ATRNL1: variants seen among roughly 807,000 people sequenced by gnomAD.
The protein encoded by ATRNL1 is attractin like 1.
Under a neutral mutation model 182.7 loss-of-function variants are expected in ATRNL1, and 95 were observed. That is an observed-to-expected ratio of 0.52 (90% CI 0.44 to 0.62). The LOEUF (loss-of-function observed/expected upper bound fraction) is 0.62. ATRNL1 is among the 20% of genes least tolerant of loss of function. The pLI is 0.00. For synonymous variants in ATRNL1, 576 were observed against 568.3 expected (o/e 1.01, Z -0.19); for missense variants, 1,471 against 1,679.5 (o/e 0.88, Z 2.17).
intron 26 of ATRNL1, among the ~76,000 whole-genome samples, chr10:115,699,995 C>T (rs1287151634): frequency 6.6e-6 from 1 of 152,116 alleles, no homozygotes; most frequent in Non-Finnish European, 1.5e-5. Context: ...CAGCTACATC[C>T]ATGTTGCTGC....
At chr10:115,442,297 C>CTCTCTT (rs1554965905) in intron 21 of ATRNL1, among the ~76,000 whole-genome samples, 1 of 133,962 alleles carries the variant, frequency 7.5e-6, no homozygotes, top group African/African-American at 2.5e-5. Context: ...CTCTCTCTCT[C>CTCTCTT]TCTCTCTGTG....
At chr10:115,317,131 T>C (rs540857720) in intron 18 of ATRNL1, among the ~76,000 whole-genome samples, 13 of 152,352 alleles carry the variant, frequency 8.5e-5, no homozygotes, top group Admixed American at 5.2e-4. Flanking sequence ...GTTTTCTGCA[T>C]ATGGCTAGCC....
chr10:115,588,189 A>G (rs1282400994), intron 26 of ATRNL1, among the ~76,000 whole-genome samples: 1 of 152,146 alleles, frequency 6.6e-6, no homozygotes, highest in Non-Finnish European at 1.5e-5. Context: ...CTCCGGAATC[A>G]TTCTAGACTG....
chr10:115,399,062 A>G (rs1340350289), intron 20 of ATRNL1, among the ~76,000 whole-genome samples: 2 of 152,098 alleles, frequency 1.3e-5, no homozygotes, highest in Non-Finnish European at 2.9e-5. Context: ...AGCCTACTTG[A>G]TCATGGTGGA....
At chr10:115,316,306 A>G (rs1554929667) in intron 18 of ATRNL1, among the ~76,000 whole-genome samples, 1 of 152,108 alleles carries the variant, frequency 6.6e-6, no homozygotes, top group African/African-American at 2.4e-5. Flanking sequence ...TTTTATGGCT[A>G]TGCAGTATTC....
In ATRNL1 at chr10:115,797,627, G is replaced by A. The variant is rs566319043; in HGVS notation, c.3904-50250G>A. On this transcript the variant is annotated intron_variant, in intron 27 of 28. Transcript: ENST00000355044. ...AAAAAAAAATTGTATGTGTGCACGTGTGTGTAGTATCTGTTAGGTAGTGAT... is the reference window on the plus strand; with the variant it reads ...AAAAAAAAATTGTATGTGTGCACGTATGTGTAGTATCTGTTAGGTAGTGAT... Among the ~76,000 whole-genome samples, 7 of 152,286 alleles carry A rather than the reference G, an allele frequency of 4.6e-5. No homozygotes were observed. In the South Asian group the frequency reaches 1.4e-3, roughly 32 times the overall value.
intron 26 of ATRNL1, among the ~76,000 whole-genome samples, chr10:115,566,410 G>T (rs1555001841): frequency 6.6e-6 from 1 of 152,096 alleles, no homozygotes; most frequent in East Asian, 1.9e-4. Context: ...CAGTAAATCA[G>T]TTTTGCTTCC....
At chr10:115,610,231 T>C (rs145133009) in intron 26 of ATRNL1, among the ~76,000 whole-genome samples, 36 of 152,334 alleles carry the variant, frequency 2.4e-4, no homozygotes, top group South Asian at 6.2e-4. Context: ...TTTTAGAAAC[T>C]GTGCTCTTAA....
intron 10 of ATRNL1, among the ~76,000 whole-genome samples, chr10:115,243,168 A>C (rs577973504): frequency 6.6e-5 from 10 of 152,128 alleles, no homozygotes; most frequent in Non-Finnish European, 1.2e-4. Flanking sequence ...CTTTTGCAAA[A>C]GGTTCTTCAA....
chr10:115,355,362 G>T (rs529962521), intron 19 of ATRNL1, among the ~76,000 whole-genome samples: 1 of 152,116 alleles, frequency 6.6e-6, no homozygotes, highest in African/African-American at 2.4e-5. Flanking sequence ...TAGCACTAGA[G>T]GGAGCCCTAA....
intron 21 of ATRNL1, among the ~76,000 whole-genome samples, chr10:115,458,868 C>T (rs184934144): frequency 6.6e-6 from 1 of 152,224 alleles, no homozygotes; most frequent in Non-Finnish European, 1.5e-5. Context: ...AATAGATATT[C>T]TCTTTCTCAA....
At chr10:115,515,318 CTTT>C (rs56692263) in intron 24 of ATRNL1, among the ~76,000 whole-genome samples, 6 of 120,200 alleles carry the variant, frequency 5.0e-5, no homozygotes, top group African/African-American at 9.6e-5. Flanking sequence ...AATAGTTGTT[CTTT>C]TTTTTTTTTT....
At chr10:115,194,652 A>G (rs113960010) in intron 8 of ATRNL1, among the ~76,000 whole-genome samples, 20 of 151,332 alleles carry the variant, frequency 1.3e-4, no homozygotes, top group African/African-American at 3.9e-4. Context: ...CCATTCTTCT[A>G]TGTCTTTTGT....
At chr10:115,594,732 T>G (rs2769399) in intron 26 of ATRNL1, among the ~76,000 whole-genome samples, 16 of 151,936 alleles carry the variant, frequency 1.1e-4, no homozygotes, top group Non-Finnish European at 1.9e-4. Context: ...CTTAAACTCC[T>G]GACTTCAAGT....
intron 9 of ATRNL1, among the ~76,000 whole-genome samples, chr10:115,234,697 C>T (rs1850102794): frequency 6.6e-6 from 1 of 150,678 alleles, no homozygotes; most frequent in South Asian, 2.1e-4. Flanking sequence ...TTCAAGCGAT[C>T]CTCTCACTTT....
chr10:115,376,726 T>A (rs186038727), intron 19 of ATRNL1, among the ~76,000 whole-genome samples: 3 of 152,284 alleles, frequency 2.0e-5, no homozygotes, highest in Admixed American at 1.3e-4. Context: ...ACTTGAGATT[T>A]TTTTAAGTTT....
chr10:115,415,250 G>T lies in ATRNL1; in HGVS notation c.3270-11000G>T, dbSNP rs139175135. 3.9e-5 allele frequency among the ~76,000 whole-genome samples: 6 copies of T among 152,076 alleles called. No individual in the cohort carries two copies. In the East Asian group the frequency reaches 7.7e-4, roughly 20 times the overall value. ...TTGCCAGTCTTGTGGAGAATAATTT[G>T]TGTAGTTTTAATTTATATTTCCATT... On this transcript the variant is annotated intron_variant, in intron 20 of 28. Coordinates refer to ENST00000355044, the MANE Select transcript of ATRNL1 (RefSeq NM_207303.4).
At chr10:115,873,136 T>A (rs1951622880) in intron 28 of ATRNL1, among the ~76,000 whole-genome samples, 1 of 152,242 alleles carries the variant, frequency 6.6e-6, no homozygotes, top group African/African-American at 2.4e-5. Flanking sequence ...AGAAAGATAT[T>A]CATTTGTCTG....
intron 25 of ATRNL1, among the ~76,000 whole-genome samples, chr10:115,527,940 C>T (rs1851322199): frequency 9.4e-6 from 1 of 106,462 alleles, no homozygotes; most frequent in African/African-American, 3.6e-5. Context: ...CCTTCCTTCT[C>T]CTTCCTTCCT....
Sources: gnomAD v4.1 joint callset for allele counts (sites outside exome capture counted in the v4.1 genomes callset) on GRCh38, gnomAD v4.1.1 for gene constraint, MANE v1.5 for transcripts, NCBI Gene and HGNC (gene_info 2026-07-23, HGNC 2026-07-21) for gene names.